The following SMYD3 variants were observed in gnomAD, a reference collection of about 807,000 sequenced individuals.
SMYD3 encodes SET and MYND domain containing 3, also known as histone-lysine N-methyltransferase SMYD3.
A neutral mutation model predicts 57.7 loss-of-function variants in SMYD3; 36 were observed. The ratio of observed to expected loss-of-function variants is 0.62; its 90% CI spans 0.48 to 0.82. SMYD3 has a LOEUF of 0.82. SMYD3 is among the 40% of genes least tolerant of loss of function. The probability of loss-of-function intolerance (pLI) is 0.00; values close to 1 mark genes in which losing one functional copy is unlikely to be tolerated. For missense variants in SMYD3, 515 were observed against 538.8 expected, an observed-to-expected ratio of 0.96 and a Z score of 0.44; for synonymous variants, 211 against 195.0, an observed-to-expected ratio of 1.08 and a Z score of -0.68.
chr1:246,170,556 T>C (rs2062312121), intron 5 of SMYD3, among the ~76,000 whole-genome samples: 1 of 152,178 alleles, frequency 6.6e-6, no homozygotes. Flanking sequence ...TTTGACTCGA[T>C]AAATATTTCT....
intron 3 of SMYD3, among the ~76,000 whole-genome samples, chr1:246,331,173 C>A (rs571100429): frequency 6.6e-6 from 1 of 151,958 alleles, no homozygotes. Flanking sequence ...CGGGAGCCTA[C>A]AATAATTTGA....
chr1:246,219,253 A>G (rs926001191), intron 5 of SMYD3, among the ~76,000 whole-genome samples: 13 of 151,990 alleles, frequency 8.6e-5, no homozygotes, highest in Admixed American at 5.9e-4. Flanking sequence ...CCCTGTGCCT[A>G]TAAAAACCCC....
chr1:246,249,625 C>A (rs1336474354), intron 5 of SMYD3, among the ~76,000 whole-genome samples: 1 of 151,608 alleles, frequency 6.6e-6, no homozygotes, highest in Non-Finnish European at 1.5e-5. Context: ...ATTTGATCAT[C>A]ATAGTAGTAC....
chr1:246,485,566 G>C (rs2068173274), intron 1 of SMYD3, among the ~76,000 whole-genome samples: 1 of 152,120 alleles, frequency 6.6e-6, no homozygotes, highest in Admixed American at 6.5e-5. Context: ...AGGATCACTT[G>C]AGGCCAGGTG....
chr1:246,418,252 T>C (rs536357134), intron 1 of SMYD3, among the ~76,000 whole-genome samples: 26 of 152,262 alleles, frequency 1.7e-4, no homozygotes, highest in African/African-American at 6.3e-4. Context: ...AACCGACAAA[T>C]ATTATATGGT....
At chr1:246,413,654 CCACA>C (rs1049061570) in intron 1 of SMYD3, among the ~76,000 whole-genome samples, 14 of 152,036 alleles carry the variant, frequency 9.2e-5, no homozygotes, top group African/African-American at 3.4e-4. Flanking sequence ...TGCCCCACCC[CCACA>C]CACTAGCTCC....
At chr1:246,090,192 T>TA (rs1363570075) in intron 5 of SMYD3, among the ~76,000 whole-genome samples, 1 of 152,150 alleles carries the variant, frequency 6.6e-6, no homozygotes, top group East Asian at 1.9e-4. Context: ...AAAGAAAAGA[T>TA]ACAGAAAAAT....
At chr1:246,407,840 A>AAAAT (rs34670186) in intron 1 of SMYD3, among the ~76,000 whole-genome samples, 60,651 of 146,944 alleles carry the variant, frequency 0.41, 13,318 homozygotes, top group Admixed American at 0.52. Flanking sequence ...ACTCCGTCTC[A>AAAAT]AAATAAATAA....
chr1:245,835,702 T>C (rs1031538581), intron 10 of SMYD3, among the ~76,000 whole-genome samples: 1 of 152,104 alleles, frequency 6.6e-6, no homozygotes, highest in African/African-American at 2.4e-5. Flanking sequence ...TCAAGAACAA[T>C]CTGCAGGGGC....
chr1:246,084,935 C>T (rs1178235002), intron 5 of SMYD3, among the ~76,000 whole-genome samples: 1 of 151,990 alleles, frequency 6.6e-6, no homozygotes, highest in Non-Finnish European at 1.5e-5. Flanking sequence ...ATTATTTTAC[C>T]CCTAAAGATG....
rs2051109104 is a variant in SMYD3 at position 245,854,001 on chromosome 1, C to G, written c.1076+4495G>C. 2.0e-5 allele frequency among the ~76,000 whole-genome samples: 3 copies of G among 152,196 alleles called. No individual in the cohort carries two copies. The South Asian group carries it at 6.2e-4, about 32-fold the overall frequency. Reference sequence around the variant, plus strand: ...CTTTCTCTGATCACAACTTAAGTCTCTTCATCATTCTTGTTCTTCTGCCTT... The same window carrying G: ...CTTTCTCTGATCACAACTTAAGTCTGTTCATCATTCTTGTTCTTCTGCCTT... On this transcript the variant is annotated intron_variant, in intron 10 of 11. Coordinates refer to ENST00000490107, the MANE Select transcript of SMYD3 (RefSeq NM_001167740.2).
chr1:246,455,785 G>A (rs954846979), intron 1 of SMYD3, among the ~76,000 whole-genome samples: 1 of 152,172 alleles, frequency 6.6e-6, no homozygotes, highest in African/African-American at 2.4e-5. Flanking sequence ...AAGGATTCTT[G>A]GAAATTATTA....
At chr1:245,933,978 T>C (rs1192154118) in intron 5 of SMYD3, among the ~76,000 whole-genome samples, 1 of 151,754 alleles carries the variant, frequency 6.6e-6, no homozygotes, top group Non-Finnish European at 1.5e-5. Flanking sequence ...CTACACAGCC[T>C]ATTTCAAATA....
intron 1 of SMYD3, among the ~76,000 whole-genome samples, chr1:246,375,469 T>C (rs2066260747): frequency 6.6e-6 from 1 of 151,998 alleles, no homozygotes; most frequent in African/African-American, 2.4e-5. Context: ...GTTAACTATT[T>C]GTTTAAGCCA....
At chr1:245,999,588 G>T (rs1162532853) in intron 5 of SMYD3, among the ~76,000 whole-genome samples, 2 of 149,658 alleles carry the variant, frequency 1.3e-5, no homozygotes, top group Non-Finnish European at 2.9e-5. Context: ...ACCTAAGAGT[G>T]AGTCAAAAAA....
chr1:246,113,451 G>T (rs1365180960), intron 5 of SMYD3, among the ~76,000 whole-genome samples: 1 of 152,118 alleles, frequency 6.6e-6, no homozygotes, highest in Non-Finnish European at 1.5e-5. Flanking sequence ...GTCTTGGTAA[G>T]AACAAAGGTT....
chr1:246,039,619 C>G (rs188753467), intron 5 of SMYD3, among the ~76,000 whole-genome samples: 1 of 152,230 alleles, frequency 6.6e-6, no homozygotes. Context: ...TTCTACTAAG[C>G]GCCAATGGGT....
chr1:245,768,924 C>T (rs543457998), intron 10 of SMYD3, among the ~76,000 whole-genome samples: 45 of 152,216 alleles, frequency 3.0e-4, no homozygotes, highest in African/African-American at 1.1e-3. Context: ...GGTGAATTAC[C>T]GTCTATGGTA....
chr1:245,854,593 T>TTC (rs67359983), intron 10 of SMYD3, among the ~76,000 whole-genome samples: 4,543 of 151,004 alleles, frequency 0.03, 122 homozygotes, highest in South Asian at 0.095. Flanking sequence ...AGTTATCCTT[T>TTC]TCTCTCTCTC....
Sources: allele counts gnomAD v4.1 joint callset (sites outside exome capture counted in the v4.1 genomes callset), GRCh38; gene constraint gnomAD v4.1.1; transcripts MANE v1.5; gene names NCBI Gene and HGNC (gene_info 2026-07-23, HGNC 2026-07-21).